MEGF10: variants seen among roughly 807,000 people sequenced by gnomAD.
MEGF10 encodes the protein multiple EGF like domains 10, also known as multiple epidermal growth factor-like domains protein 10.
In MEGF10, 86 loss-of-function variants were observed where a neutral mutation model predicts 147.5. The ratio of observed to expected loss-of-function variants is 0.58; its 90% CI spans 0.49 to 0.70. The LOEUF (loss-of-function observed/expected upper bound fraction) is 0.70, where lower values mean the gene tolerates loss of function less well. Ranked by LOEUF, MEGF10 falls within the 30% of genes least tolerant of loss-of-function variation. MEGF10 has a pLI of 0.00. For missense variants in MEGF10, 1,329 were observed against 1,487.3 expected (o/e 0.89, Z 1.75); for synonymous variants, 478 against 525.5 (o/e 0.91, Z 1.24).
intron 10 of MEGF10, among the ~76,000 whole-genome samples, chr5:127,418,253 T>C (rs1764854006): frequency 2.0e-5 from 3 of 152,214 alleles, no homozygotes; most frequent in African/African-American, 7.2e-5. Flanking sequence ...TAGGTCCCTT[T>C]GAAAATCCAG....
chr5:127,448,707 T>C (rs184419751), intron 21 of MEGF10, among the ~76,000 whole-genome samples: 3 of 152,270 alleles, frequency 2.0e-5, no homozygotes, highest in African/African-American at 7.2e-5. Flanking sequence ...TATCCTCATG[T>C]TTACGCCTAG....
At chr5:127,384,808 T>G (rs369842568) in intron 5 of MEGF10, among the ~76,000 whole-genome samples, 3 of 152,186 alleles carry the variant, frequency 2.0e-5, no homozygotes, top group Non-Finnish European at 4.4e-5. Context: ...GGAAAATACA[T>G]TTTTATTGTT....
At chr5:127,331,528 G>A in intron 2 of MEGF10, 104 bp downstream of exon 2, 1 of 684,022 alleles carries the variant, frequency 1.5e-6, no homozygotes, top group Non-Finnish European at 2.5e-6. Context: ...AAGAGATTGT[G>A]AAATTACTTT....
intron 2 of MEGF10, among the ~76,000 whole-genome samples, chr5:127,331,985 G>T (rs2126785304): frequency 6.6e-6 from 1 of 152,176 alleles, no homozygotes; most frequent in East Asian, 1.9e-4. Context: ...AGGGGAGTCA[G>T]TTTGGCAGTT....
intron 5 of MEGF10, among the ~76,000 whole-genome samples, chr5:127,371,190 A>ACT (rs1462747621): frequency 3.2e-5 from 3 of 93,644 alleles, no homozygotes; most frequent in Admixed American, 1.0e-4. Flanking sequence ...AGGGACTGGG[A>ACT]CTGTGTGTGT....
At chr5:127,421,190 G>A (rs959115643) in intron 12 of MEGF10, among the ~76,000 whole-genome samples, 2 of 152,190 alleles carry the variant, frequency 1.3e-5, no homozygotes, top group African/African-American at 4.8e-5. Context: ...ACAAAGCAAA[G>A]CCCCTGGCAC....
chr5:127,379,968 G>C (rs181883284), intron 5 of MEGF10, among the ~76,000 whole-genome samples: 1 of 152,066 alleles, frequency 6.6e-6, no homozygotes, highest in African/African-American at 2.4e-5. Context: ...CACTATCTCT[G>C]ACCTCCATAT....
chr5:127,315,065 G>T (rs879537430), intron 1 of MEGF10, among the ~76,000 whole-genome samples: 15 of 152,218 alleles, frequency 9.9e-5, no homozygotes, highest in Admixed American at 8.5e-4. Flanking sequence ...ACAGGGAAAT[G>T]ACATTTGATG....
chr5:127,311,239 A>G (rs935767849), intron 1 of MEGF10, among the ~76,000 whole-genome samples: 9 of 152,206 alleles, frequency 5.9e-5, no homozygotes, highest in Non-Finnish European at 1.2e-4. Flanking sequence ...CTACACATCC[A>G]AACACTACAG....
intron 1 of MEGF10, among the ~76,000 whole-genome samples, chr5:127,294,754 G>A (rs1176365300): frequency 8.0e-5 from 12 of 150,834 alleles, no homozygotes; most frequent in African/African-American, 1.2e-4. Context: ...AGCTGAGATC[G>A]CGACACTGCA....
At chr5:127,315,596 T>C (rs1232972505) in intron 1 of MEGF10, among the ~76,000 whole-genome samples, 3 of 152,068 alleles carry the variant, frequency 2.0e-5, no homozygotes, top group Non-Finnish European at 4.4e-5. Context: ...GGCAATATGA[T>C]GAGACCCGTC....
intron 5 of MEGF10, among the ~76,000 whole-genome samples, chr5:127,378,274 A>G (rs1416221550): frequency 6.6e-6 from 1 of 152,182 alleles, no homozygotes; most frequent in Admixed American, 6.5e-5. Context: ...CTTAACAGGT[A>G]TTCGCCAGTG....
At chr5:127,406,141 A>G (rs916648065) in intron 8 of MEGF10, among the ~76,000 whole-genome samples, 1 of 152,042 alleles carries the variant, frequency 6.6e-6, no homozygotes, top group Non-Finnish European at 1.5e-5. Flanking sequence ...TTTGCCCTCT[A>G]GGGATTTAAA....
chr5:127,362,431 G>A (rs1762508037), intron 4 of MEGF10, among the ~76,000 whole-genome samples: 1 of 150,136 alleles, frequency 6.7e-6, no homozygotes, highest in African/African-American at 2.5e-5. Flanking sequence ...GTTCAGTGGC[G>A]CGATCTCGGC....
chr5:127,375,621 C>T (rs1762996355), intron 5 of MEGF10, among the ~76,000 whole-genome samples: 1 of 152,210 alleles, frequency 6.6e-6, no homozygotes, highest in Non-Finnish European at 1.5e-5. Context: ...ATCCCATCTC[C>T]TTCTTCCCTC....
Position 127,447,581 on chromosome 5 carries a change from G to A in MEGF10, c.2753G>A (p.Gly918Glu). The change falls in exon 21 of 25, where the codon GGA (glycine) becomes GAA (glutamate). Residue 918 changes from glycine to glutamate, a missense_variant. This residue lies in a region of MEGF10 where 343 missense variants were observed against 377.9 expected (regional missense o/e 0.91). Transcript: ENST00000503335. ...ISGTLPHSNG[G>E]NANSHYFTNP... Reference sequence around the variant, plus strand: ...GGAACCCTTCCTCACAGCAATGGTGGAAACGCTAATAGCCACTACTTCACC... The same window carrying A: ...GGAACCCTTCCTCACAGCAATGGTGAAAACGCTAATAGCCACTACTTCACC... 1.2e-6 allele frequency: 2 copies of A among 1,614,128 alleles called. No homozygotes were observed. Among genetic ancestry groups the A allele is most frequent in the Non-Finnish European group, 1.7e-6 (2 of 1,180,010 alleles).
At chr5:127,443,795 C>A (rs1186670226) in intron 19 of MEGF10, among the ~76,000 whole-genome samples, 1 of 152,170 alleles carries the variant, frequency 6.6e-6, no homozygotes, top group African/African-American at 2.4e-5. Context: ...GAATACTATT[C>A]CATTGTATGG....
intron 9 of MEGF10, among the ~76,000 whole-genome samples, chr5:127,415,318 A>G (rs1416416802): frequency 6.6e-6 from 1 of 152,182 alleles, no homozygotes; most frequent in Non-Finnish European, 1.5e-5. Context: ...GGTTTAGACA[A>G]TAAATTGTAT....
In MEGF10 at chr5:127,435,420, G is replaced by A. The variant is rs199728470; in HGVS notation, c.2035G>A (p.Gly679Arg). 3.5e-5 allele frequency: 57 copies of A among 1,614,082 alleles called. No homozygotes were observed. The highest frequency in any genetic ancestry group is 6.7e-5 in the East Asian group (3 of 44,878). ...CAGICTCTNN[G>R]TCNPIDRSCQ... ...AGGAATTTGTACCTGCACCAACAAC[G>A]GAACCTGTAACCCCATTGACAGATC... Residue 679 changes from glycine (G) to arginine (R), a missense_variant, in exon 16 of 25, where the codon GGA becomes AGA. By Grantham distance (125) the Gly-to-Arg change is moderately radical. Around this residue, in one of 3 missense-constraint regions of MEGF10, gnomAD observed 980 missense variants for 1,085.9 expected, o/e 0.90. Transcript: ENST00000503335.
Sources: gnomAD v4.1 joint callset for allele counts (sites outside exome capture counted in the v4.1 genomes callset) on GRCh38, gnomAD v4.1.1 for gene constraint, gnomAD v4.1.1 regional missense constraint, MANE v1.5 for transcripts, NCBI Gene and HGNC (gene_info 2026-07-23, HGNC 2026-07-21) for gene names.